The following ESF1 variants were observed in gnomAD, a reference collection of about 807,000 sequenced individuals.
ESF1 encodes ESF1 homolog.
ESF1 carries 58 observed loss-of-function variants against 92.0 expected under a neutral mutation model. The ratio of observed to expected loss-of-function variants is 0.63; its 90% CI spans 0.51 to 0.78. The LOEUF (loss-of-function observed/expected upper bound fraction) is 0.78, where lower values mean the gene tolerates loss of function less well. ESF1 is among the 30% of genes least tolerant of loss of function. The probability of loss-of-function intolerance (pLI) is 0.00; values close to 1 mark genes in which losing one functional copy is unlikely to be tolerated. For synonymous variants in ESF1, 321 were observed against 313.7 expected, an observed-to-expected ratio of 1.02 and a Z score of -0.24; for missense variants, 922 against 989.1, an observed-to-expected ratio of 0.93 and a Z score of 0.91.
At chr20:13,764,007 G>A (rs1979320063) in intron 8 of ESF1, among the ~76,000 whole-genome samples, 1 of 152,092 alleles carries the variant, frequency 6.6e-6, no homozygotes, top group African/African-American at 2.4e-5. Flanking sequence ...CCAATCATGG[G>A]ATCTCGAAAA....
chr20:13,784,619 G>C (rs372109730), intron 1 of ESF1, among the ~76,000 whole-genome samples: 61 of 151,048 alleles, frequency 4.0e-4, no homozygotes, highest in African/African-American at 1.5e-3. Context: ...GGAGAACACA[G>C]GGCTGGCCCC....
chr20:13,752,106 T>C (rs1033495580), intron 9 of ESF1, among the ~76,000 whole-genome samples: 5 of 152,212 alleles, frequency 3.3e-5, no homozygotes, highest in African/African-American at 1.2e-4. Flanking sequence ...AGCAATCACA[T>C]GGAGGAAATG....
chr20:13,771,237 A>T, intron 6 of ESF1, 94 bp downstream of exon 6: 3 of 1,207,494 alleles, frequency 2.5e-6, no homozygotes, highest in Non-Finnish European at 3.6e-6. Flanking sequence ...TCATTTTAGA[A>T]TATAAAACAG....
In ESF1 at chr20:13,776,047, ATCTTCATCCTCC is replaced by A; in HGVS notation, c.849_860del (p.Glu283_Glu286del). ...TTTTATCATCATCCTCACTATCCTC[ATCTTCATCCTCC>A]TCTTCATCTTCATCCTCCTCTTCAT... On this transcript the variant is annotated inframe_deletion, in exon 3 of 14. Coordinates refer to ENST00000617257, the MANE Select transcript of ESF1 (RefSeq NM_001276380.2). 6.2e-7 allele frequency: 1 copy of A among 1,613,162 alleles called. No homozygotes were observed. The highest frequency in any genetic ancestry group is 8.5e-7 in the Non-Finnish European group (1 of 1,179,542).
intron 9 of ESF1, among the ~76,000 whole-genome samples, chr20:13,742,435 C>A (rs1400659926): frequency 6.6e-6 from 1 of 151,900 alleles, no homozygotes; most frequent in African/African-American, 2.4e-5. Context: ...CACGCCATTG[C>A]ACTCCAGCCT....
Position 13,714,852 on chromosome 20 carries a change from T to C in ESF1, c.*22A>G. The stretch of plus-strand genomic sequence containing the variant: ...ACATTTTAGGAAAAGATGTATTCAG[T>C]TCAAAAATAAGTAACATCCAGTTAT... On this transcript the variant is annotated 3_prime_UTR_variant, in exon 14 of 14. Transcript: ENST00000617257. The C allele has an allele frequency of 1.3e-6, 2 of 1,570,652 alleles. No individual in the cohort carries two copies. The highest frequency in any genetic ancestry group is 1.7e-6 in the Non-Finnish European group (2 of 1,160,426).
At chr20:13,718,887 G>GTAACA (rs1449572050) in intron 12 of ESF1, 21 bp downstream of exon 12, 1 of 1,560,954 alleles carries the variant, frequency 6.4e-7, no homozygotes, top group Non-Finnish European at 8.7e-7. Flanking sequence ...CACTAAGCAT[G>GTAACA]TAACAATAAT....
At chr20:13,767,937 G>GAC (rs1398971248) in intron 7 of ESF1, among the ~76,000 whole-genome samples, 4 of 152,152 alleles carry the variant, frequency 2.6e-5, no homozygotes, top group Non-Finnish European at 5.9e-5. Context: ...TCCCTATTCT[G>GAC]ACAATTAAGC....
intron 9 of ESF1, among the ~76,000 whole-genome samples, chr20:13,735,884 T>C (rs1358832472): frequency 2.0e-5 from 3 of 152,180 alleles, no homozygotes; most frequent in African/African-American, 7.2e-5. Flanking sequence ...TGGGTTGATG[T>C]GTCTCAACCT....
intron 2 of ESF1, among the ~76,000 whole-genome samples, chr20:13,781,679 T>C (rs1331653983): frequency 2.0e-5 from 3 of 152,150 alleles, no homozygotes; most frequent in African/African-American, 7.2e-5. Flanking sequence ...GCTCTGTGTG[T>C]CCAGAGAGCA....
At chr20:13,730,788 C>T (rs575728894) in intron 10 of ESF1, among the ~76,000 whole-genome samples, 22 of 151,118 alleles carry the variant, frequency 1.5e-4, no homozygotes, top group African/African-American at 5.1e-4. Context: ...ACCTACTCAA[C>T]ACATTTCTTT....
intron 2 of ESF1, among the ~76,000 whole-genome samples, chr20:13,781,639 C>T (rs1980194151): frequency 6.6e-6 from 1 of 152,174 alleles, no homozygotes; most frequent in South Asian, 2.1e-4. Flanking sequence ...TCAAAGGCGC[C>T]ATCTCTTCAC....
chr20:13,761,682 C>T (rs1018717526), intron 8 of ESF1, among the ~76,000 whole-genome samples: 5 of 152,166 alleles, frequency 3.3e-5, no homozygotes, highest in African/African-American at 1.2e-4. Flanking sequence ...TTAGGAGTTA[C>T]TTCAATTAAT....
intron 11 of ESF1, 29 bp downstream of exon 11, chr20:13,728,349 T>A (rs2049915911): frequency 6.5e-7 from 1 of 1,547,548 alleles, no homozygotes; most frequent in African/African-American, 1.4e-5. Context: ...TAGATTCCAG[T>A]TGAAAACTAC....
At chr20:13,723,125 G>A (rs2049879128) in intron 11 of ESF1, among the ~76,000 whole-genome samples, 1 of 152,196 alleles carries the variant, frequency 6.6e-6, no homozygotes, top group Admixed American at 6.5e-5. Flanking sequence ...TCAGAGACTT[G>A]TTCCCATAAT....
chr20:13,721,726 A>C (rs1160906212), intron 11 of ESF1, among the ~76,000 whole-genome samples: 1 of 152,234 alleles, frequency 6.6e-6, no homozygotes, highest in Non-Finnish European at 1.5e-5. Flanking sequence ...ACATGCCAGC[A>C]TAAAAGTGCT....
At chr20:13,783,256 C>A (rs1980330338) in intron 1 of ESF1, 73 bp from the exon 2 acceptor site, 3 of 627,590 alleles carry the variant, frequency 4.8e-6, no homozygotes, top group Non-Finnish European at 7.0e-6. Context: ...AACACATTCA[C>A]AATATATTCT....
At chr20:13,775,375 A>G (rs1600294763) in intron 3 of ESF1, 105 bp from the exon 4 acceptor site, 6 of 706,108 alleles carry the variant, frequency 8.5e-6, no homozygotes, top group Non-Finnish European at 1.4e-5. Context: ...ATGCTCTGAA[A>G]TTAATAGTAC....
chr20:13,735,555 G>C (rs112805161), intron 9 of ESF1, among the ~76,000 whole-genome samples: 1 of 152,044 alleles, frequency 6.6e-6, no homozygotes, highest in Non-Finnish European at 1.5e-5. Context: ...AGAGAAAGCA[G>C]CAAATTCTGA....
Sources: allele counts gnomAD v4.1 joint callset (sites outside exome capture counted in the v4.1 genomes callset), GRCh38; gene constraint gnomAD v4.1.1; transcripts MANE v1.5; gene names NCBI Gene and HGNC (gene_info 2026-07-23, HGNC 2026-07-21).